Variants in TM4SF20 observed in about 807,000 individuals in gnomAD.
TM4SF20 encodes the protein transmembrane 4 L6 family member 20.
Under a neutral mutation model 15.1 loss-of-function variants are expected in TM4SF20, and 13 were observed. The ratio of observed to expected loss-of-function variants is 0.86; its 90% CI spans 0.56 to 1.36. The LOEUF (loss-of-function observed/expected upper bound fraction) is 1.36. Among genes scored for constraint, TM4SF20 ranks in the 40% most tolerant of loss-of-function variants. The pLI is 0.00. For missense variants in TM4SF20, 282 were observed against 268.4 expected, an observed-to-expected ratio of 1.05 and a Z score of -0.35; for synonymous variants, 92 against 96.6, an observed-to-expected ratio of 0.95 and a Z score of 0.28.
At chr2:227,367,445 G>A (rs1401459194) in intron 2 of TM4SF20, among the ~76,000 whole-genome samples, 1 of 152,116 alleles carries the variant, frequency 6.6e-6, no homozygotes, top group African/African-American at 2.4e-5. Flanking sequence ...AGGCCAAGGA[G>A]GGTAGATTGC....
upstream of TM4SF20, chr2:227,379,311 G>T (rs1411497365): frequency 2.5e-6 from 4 of 1,571,426 alleles, no homozygotes; most frequent in Admixed American, 1.7e-5. Flanking sequence ...GGCTATGCTT[G>T]CATGGTACTA....
intron 1 of TM4SF20, 51 bp from the exon 2 acceptor site, chr2:227,371,031 G>T: frequency 6.8e-7 from 1 of 1,463,492 alleles, no homozygotes. Context: ...CTCATCAGAA[G>T]AAAAAATAGT....
At chr2:227,364,989 C>T (rs138834092) in intron 3 of TM4SF20, among the ~76,000 whole-genome samples, 2 of 152,208 alleles carry the variant, frequency 1.3e-5, no homozygotes, top group Non-Finnish European at 2.9e-5. Flanking sequence ...TGGCTCACTG[C>T]AACCTCCGCC....
chr2:227,366,112 AT>A lies in TM4SF20; in HGVS notation c.381del (p.Glu127AspfsTer4). 1 of 1,611,672 alleles carries A rather than the reference AT, an allele frequency of 6.2e-7. No homozygotes were observed. ...NSPSNSNANC[E>X]FSLKNISDIH... ...ACTTACCTGATGTTTTTCAATGAAAATTCACAATTGGCATTACTGTTGCTTG... is the reference window on the plus strand; with the variant it reads ...ACTTACCTGATGTTTTTCAATGAAAATCACAATTGGCATTACTGTTGCTTG... On this transcript the variant is annotated frameshift_variant, in exon 3 of 4. Coordinates refer to ENST00000304568, the MANE Select transcript of TM4SF20 (RefSeq NM_024795.4). LOFTEE classifies it low-confidence loss of function (END_TRUNC).
chr2:227,375,690 C>T (rs781649814), intron 1 of TM4SF20, among the ~76,000 whole-genome samples: 9 of 152,080 alleles, frequency 5.9e-5, no homozygotes, highest in Admixed American at 1.3e-4. Flanking sequence ...GGCGTTTCAC[C>T]GTGTTAGCCA....
chr2:227,370,601 T>TA (rs2076415602), intron 2 of TM4SF20, among the ~76,000 whole-genome samples: 1 of 151,940 alleles, frequency 6.6e-6, no homozygotes, highest in Non-Finnish European at 1.5e-5. Flanking sequence ...CTACTAAAAA[T>TA]ACAAAAATTA....
chr2:227,371,016 A>C (rs957939408), intron 1 of TM4SF20, 36 bp from the exon 2 acceptor site: 3 of 1,550,818 alleles, frequency 1.9e-6, no homozygotes, highest in South Asian at 1.1e-5. Flanking sequence ...TGAGTATTAT[A>C]ACTTCTCATC....
chr2:227,380,837 G>T (rs1441731710), upstream of TM4SF20, among the ~76,000 whole-genome samples: 1 of 152,132 alleles, frequency 6.6e-6, no homozygotes, highest in South Asian at 2.1e-4. Context: ...GCAGCAGTGT[G>T]GGGGGCGCAC....
At chr2:227,368,655 C>T (rs774161780) in intron 2 of TM4SF20, among the ~76,000 whole-genome samples, 4 of 152,120 alleles carry the variant, frequency 2.6e-5, no homozygotes, top group Non-Finnish European at 5.9e-5. Flanking sequence ...CGTGAGCCAC[C>T]GCACCCAGCC....
intron 1 of TM4SF20, among the ~76,000 whole-genome samples, chr2:227,376,634 G>T (rs895346960): frequency 1.3e-5 from 2 of 152,214 alleles, no homozygotes; most frequent in East Asian, 3.8e-4. Context: ...GAACGAGGAA[G>T]TTCAGATTCT....
chr2:227,380,836 T>TG (rs1205143203), upstream of TM4SF20, among the ~76,000 whole-genome samples: 4 of 152,164 alleles, frequency 2.6e-5, no homozygotes, highest in Non-Finnish European at 4.4e-5. Context: ...TGCAGCAGTG[T>TG]GGGGGGCGCA....
chr2:227,368,322 C>T (rs1250018162), intron 2 of TM4SF20, among the ~76,000 whole-genome samples: 11 of 111,528 alleles, frequency 9.9e-5, no homozygotes, highest in Admixed American at 7.0e-4. Context: ...CACGCCTGGC[C>T]GCCATCTATT....
chr2:227,370,831 A>G (rs1157481602), intron 2 of TM4SF20, 84 bp downstream of exon 2: 2 of 1,085,140 alleles, frequency 1.8e-6, no homozygotes, highest in South Asian at 1.2e-5. Context: ...GATTCGGTAG[A>G]TGCGAGTGAC....
intron 1 of TM4SF20, among the ~76,000 whole-genome samples, chr2:227,373,441 G>A (rs1394397432): frequency 2.0e-5 from 3 of 152,124 alleles, no homozygotes; most frequent in Non-Finnish European, 2.9e-5. Flanking sequence ...ATCAGTATTC[G>A]TGCACTAAAC....
intron 3 of TM4SF20, among the ~76,000 whole-genome samples, chr2:227,365,527 C>T (rs958350228): frequency 2.0e-5 from 3 of 152,176 alleles, no homozygotes; most frequent in Admixed American, 6.5e-5. Flanking sequence ...TGGATTCATT[C>T]CCATGCATAC....
intron 3 of TM4SF20, among the ~76,000 whole-genome samples, chr2:227,365,214 CTTGGG>C (rs1055474782): frequency 2.0e-5 from 3 of 152,168 alleles, no homozygotes; most frequent in Non-Finnish European, 2.9e-5. Flanking sequence ...CCTGGCCTTC[CTTGGG>C]TTTTGGTTCA....
chr2:227,373,927 CAA>C (rs373068376), intron 1 of TM4SF20, among the ~76,000 whole-genome samples: 15,817 of 103,146 alleles, frequency 0.15, 966 homozygotes, highest in South Asian at 0.32. Context: ...GACTCCGTCT[CAA>C]AAAAAAAAAA....
chr2:227,379,549 T>A (rs1356921523), upstream of TM4SF20, among the ~76,000 whole-genome samples: 1 of 152,202 alleles, frequency 6.6e-6, no homozygotes, highest in Non-Finnish European at 1.5e-5. Context: ...TTTAATATAC[T>A]CCTTTATTAG....
At chr2:227,370,572 C>G (rs2076415485) in intron 2 of TM4SF20, among the ~76,000 whole-genome samples, 1 of 152,126 alleles carries the variant, frequency 6.6e-6, no homozygotes, top group Non-Finnish European at 1.5e-5. Flanking sequence ...GCCTGACCAA[C>G]ATGTTGAAAC....
Sources: gnomAD v4.1 joint callset for allele counts (sites outside exome capture counted in the v4.1 genomes callset) on GRCh38, gnomAD v4.1.1 for gene constraint, MANE v1.5 for transcripts, NCBI Gene and HGNC (gene_info 2026-07-23, HGNC 2026-07-21) for gene names.